DCX: variants seen among roughly 807,000 people sequenced by gnomAD.
DCX encodes doublecortin.
Under a neutral mutation model 20.9 loss-of-function variants are expected in DCX, and 4 were observed. The observed-to-expected ratio is 0.19, with a 90% CI of 0.09 to 0.44. The LOEUF is 0.44. Ranked by LOEUF, DCX falls within the 20% of genes least tolerant of loss-of-function variation. DCX has a pLI of 0.99. For synonymous variants in DCX, 103 were observed against 111.4 expected, an observed-to-expected ratio of 0.92 and a Z score of 0.47; for missense variants, 133 against 296.9, an observed-to-expected ratio of 0.45 and a Z score of 4.06.
chrX:111,406,997 CAT>C (rs748360039), intron 2 of DCX, among the ~76,000 whole-genome samples: 1 of 111,610 alleles, frequency 9.0e-6, no homozygotes, highest in Admixed American at 9.5e-5. Context: ...AAATAATTAA[CAT>C]GAGTCACATT....
intron 3 of DCX, among the ~76,000 whole-genome samples, chrX:111,339,610 G>C (rs1179062232): frequency 9.0e-6 from 1 of 111,711 alleles, no homozygotes; most frequent in Admixed American, 9.5e-5. Flanking sequence ...ATAAACAACA[G>C]ACAATTAACT....
intron 5 of DCX, among the ~76,000 whole-genome samples, chrX:111,329,641 C>T (rs2095107449): frequency 9.0e-6 from 1 of 111,669 alleles, no homozygotes. Flanking sequence ...TAGAGGATGG[C>T]ATTCCAGGTA....
At chrX:111,384,160 C>A (rs1271284175) in intron 3 of DCX, among the ~76,000 whole-genome samples, 2 of 111,436 alleles carry the variant, frequency 1.8e-5, no homozygotes, top group Non-Finnish European at 3.8e-5. Context: ...AGCCTTTATA[C>A]CTTTATCTAT....
At chrX:111,357,144 A>G (rs1473963869) in intron 3 of DCX, among the ~76,000 whole-genome samples, 2 of 112,028 alleles carry the variant, frequency 1.8e-5, no homozygotes, top group Non-Finnish European at 3.8e-5. Context: ...GTTGAGCCCA[A>G]GGTTATTATG....
At chrX:111,337,602 C>T (rs962959530) in intron 3 of DCX, among the ~76,000 whole-genome samples, 5 of 111,964 alleles carry the variant, frequency 4.5e-5, no homozygotes, top group Non-Finnish European at 9.4e-5. Flanking sequence ...GATTCTCCAT[C>T]CACATATTAT....
chrX:111,313,855 A>C (rs1482451411), intron 5 of DCX, among the ~76,000 whole-genome samples: 1 of 99,368 alleles, frequency 1.0e-5, no homozygotes, highest in Non-Finnish European at 2.0e-5. Context: ...AAAGGCAAAT[A>C]TCCTGAGGGT....
chrX:111,373,735 T>C (rs1925303681), intron 3 of DCX, among the ~76,000 whole-genome samples: 2 of 111,627 alleles, frequency 1.8e-5, no homozygotes, highest in African/African-American at 3.3e-5. Flanking sequence ...ATATATGCCA[T>C]TTTTGAGTGC....
intron 3 of DCX, among the ~76,000 whole-genome samples, chrX:111,363,428 A>C (rs888118096): frequency 2.7e-5 from 3 of 109,396 alleles, no homozygotes; most frequent in East Asian, 5.9e-4. Flanking sequence ...AAACAGTTCA[A>C]GAGGGTGTAT....
intron 4 of DCX, among the ~76,000 whole-genome samples, chrX:111,332,688 C>T (rs1306141707): frequency 1.8e-5 from 2 of 111,832 alleles, no homozygotes; most frequent in East Asian, 5.6e-4. Context: ...AGTTGGAGGA[C>T]GTTGAATGGA....
chrX:111,364,875 CTTGTTTTGTT>C (rs759663303), intron 3 of DCX, among the ~76,000 whole-genome samples: 10 of 109,883 alleles, frequency 9.1e-5, no homozygotes, highest in South Asian at 4.0e-4. Flanking sequence ...TCTTATTTAT[CTTGTTTTGTT>C]TTGTTTTGTT....
chrX:111,326,116 A>G, intron 5 of DCX, among the ~76,000 whole-genome samples: 1 of 111,769 alleles, frequency 8.9e-6, no homozygotes, highest in Admixed American at 9.6e-5. Flanking sequence ...TGAATTTGGG[A>G]ACGGAAAAGA....
intron 6 of DCX, among the ~76,000 whole-genome samples, chrX:111,303,192 A>G (rs1321892419): frequency 9.3e-6 from 1 of 107,820 alleles, no homozygotes; most frequent in South Asian, 4.2e-4. Context: ...GGCTCAAGTG[A>G]TTCTCCTACC....
At chrX:111,394,249 C>T (rs1240352727) in intron 3 of DCX, among the ~76,000 whole-genome samples, 1 of 111,767 alleles carries the variant, frequency 8.9e-6, no homozygotes, top group Non-Finnish European at 1.9e-5. Context: ...CAAAAAGCCA[C>T]ATGATTCCAT....
chrX:111,364,018 A>G (rs1924416869), intron 3 of DCX, among the ~76,000 whole-genome samples: 1 of 112,290 alleles, frequency 8.9e-6, no homozygotes, highest in Non-Finnish European at 1.9e-5. Context: ...CTCAGCATGA[A>G]GACGCAAGCA....
intron 3 of DCX, among the ~76,000 whole-genome samples, chrX:111,349,283 C>A (rs761345960): frequency 4.4e-4 from 49 of 111,531 alleles, no homozygotes; most frequent in Non-Finnish European, 8.8e-4. Flanking sequence ...AGAATGCTGG[C>A]AGCTGTCGTG....
Position 111,401,182 on chromosome X carries a change from C to T in DCX, c.513G>A (p.Arg171=), listed in dbSNP as rs1249539600. The T allele has an allele frequency of 3.3e-6, 4 of 1,211,434 alleles. No homozygotes were observed. The South Asian group carries it at 5.3e-5, about 16-fold the overall frequency. ...TGGGGCGCACAAAGTCCTTGTTCTC[C>T]CTGGCCTGTGCACTGTTGCTGCTAG... The part of the protein sequence containing the change: ...SLASSNSAQA[R]ENKDFVRPKL... Residue 171 remains arginine, a synonymous_variant, in exon 3 of 7, where the codon AGG becomes AGA. Coordinates refer to ENST00000636035, the MANE Select transcript of DCX (RefSeq NM_001195553.2).
At chrX:111,313,891 G>A (rs1033580964) in intron 5 of DCX, among the ~76,000 whole-genome samples, 13 of 90,306 alleles carry the variant, frequency 1.4e-4, no homozygotes, top group Non-Finnish European at 2.3e-4. Context: ...GAGAGGAAGA[G>A]AGAGGGGGAG....
At chrX:111,358,086 G>A (rs749787986) in intron 3 of DCX, among the ~76,000 whole-genome samples, 1 of 111,663 alleles carries the variant, frequency 9.0e-6, no homozygotes, top group Non-Finnish European at 1.9e-5. Flanking sequence ...CCTCAGCCTC[G>A]CAAAGTGCTG....
At chrX:111,302,408 T>A (rs978699779) in intron 6 of DCX, among the ~76,000 whole-genome samples, 1 of 112,090 alleles carries the variant, frequency 8.9e-6, no homozygotes, top group African/African-American at 3.2e-5. Flanking sequence ...CCATAAACGC[T>A]CCTGTACTGT....
Sources: allele counts gnomAD v4.1 joint callset (sites outside exome capture counted in the v4.1 genomes callset), GRCh38; gene constraint gnomAD v4.1.1; transcripts MANE v1.5; gene names NCBI Gene and HGNC (gene_info 2026-07-23, HGNC 2026-07-21).